Variants in TMTC3 observed in about 807,000 individuals in gnomAD.
The protein encoded by TMTC3 is protein O-mannosyl-transferase TMTC3.
TMTC3 carries 52 observed loss-of-function variants against 92.2 expected under a neutral mutation model. The observed-to-expected ratio is 0.56, with a 90% CI of 0.45 to 0.71. The LOEUF is 0.71. Among genes scored for constraint, TMTC3 ranks in the 30% least tolerant of loss-of-function variants. The pLI is 0.00. For synonymous variants in TMTC3, 339 were observed against 363.3 expected (o/e 0.93, Z 0.76); for missense variants, 896 against 1,057.1 (o/e 0.85, Z 2.11).
Position 88,197,985 on chromosome 12 carries a change from C to G in TMTC3, c.*2336C>G. The stretch of plus-strand genomic sequence containing the variant: ...TTAGTGCAGGAAAATGCTTTTATTT[C>G]TCCCATGTTAACTTTTAAAACTAGT... On this transcript the variant is annotated 3_prime_UTR_variant, in exon 14 of 14. Coordinates refer to ENST00000266712, the MANE Select transcript of TMTC3 (RefSeq NM_181783.4). 1 of 194,546 alleles carries G rather than the reference C, an allele frequency of 5.1e-6. No homozygotes were observed. 12.1% of individuals were successfully genotyped at this position (194,546 alleles called of 1,614,324 possible).
chr12:88,195,726 A>T lies in TMTC3; in HGVS notation c.*77A>T, dbSNP rs1217538170. 2 of 1,304,522 alleles carry T rather than the reference A, an allele frequency of 1.5e-6. No individual in the cohort carries two copies. Among genetic ancestry groups the T allele is most frequent in the Non-Finnish European group, 2.1e-6 (2 of 960,822 alleles). The allele number at this position is 1,304,522 out of a possible 1,614,324, so 80.8% of individuals were successfully genotyped here. On this transcript the variant is annotated 3_prime_UTR_variant, in exon 14 of 14. Transcript: ENST00000266712. ...TGATTGCTTTTACTGGGAGCTTTGA[A>T]AAAAAGTTCAAGGGTTCCTAATGGT...
At chr12:88,159,201 A>C (rs1353163434) in intron 4 of TMTC3, among the ~76,000 whole-genome samples, 1 of 152,176 alleles carries the variant, frequency 6.6e-6, no homozygotes, top group East Asian at 1.9e-4. Flanking sequence ...CAAACTCACA[A>C]GTTCACAATG....
Position 88,197,713 on chromosome 12 carries a change from A to G in TMTC3, c.*2064A>G, listed in dbSNP as rs2138455714. On this transcript the variant is annotated 3_prime_UTR_variant, in exon 14 of 14. Transcript: ENST00000266712. ...TGTGCCTATTACATAAAAAGTGCTC[A>G]TGTATTTGAATTTTAAATAATTTAT... is the stretch of plus-strand genomic sequence containing the variant. The G allele has an allele frequency of 6.6e-6, 1 of 152,170 alleles. No homozygotes were observed. The highest frequency in any genetic ancestry group is 1.5e-5 in the Non-Finnish European group (1 of 67,918). The allele number at this position is 152,170 out of a possible 1,614,324, so 9.4% of individuals were successfully genotyped here. A position where few individuals can be genotyped will look rare whatever the true frequency, so the allele number is the denominator to read the frequency against.
At chr12:88,190,645 T>G (rs1403581307) in intron 12 of TMTC3, 23 bp downstream of exon 12, 8 of 1,608,664 alleles carry the variant, frequency 5.0e-6, no homozygotes, top group Non-Finnish European at 6.8e-6. Context: ...AACTTTAAGC[T>G]ATCATTATGG....
intron 9 of TMTC3, 101 bp from the exon 10 acceptor site, chr12:88,176,107 A>T: frequency 1.3e-6 from 1 of 779,294 alleles, no homozygotes; most frequent in Non-Finnish European, 2.0e-6. Context: ...AGACATTTCC[A>T]TAGAACATTA....
At chr12:88,147,743 T>A (rs1299898535) in intron 1 of TMTC3, among the ~76,000 whole-genome samples, 1 of 151,776 alleles carries the variant, frequency 6.6e-6, no homozygotes, top group Non-Finnish European at 1.5e-5. Flanking sequence ...TTTTGTTTTG[T>A]TTTGTTTCTA....
In TMTC3 at chr12:88,198,847, T is replaced by TA. The variant is rs1449859876; in HGVS notation, c.*3202dup. The TA allele has an allele frequency of 6.5e-6, 1 of 153,352 alleles. No individual in the cohort carries two copies. The highest frequency in any genetic ancestry group is 1.5e-5 in the Non-Finnish European group (1 of 68,852). 9.5% of individuals were successfully genotyped at this position (153,352 alleles called of 1,614,324 possible). A position where few individuals can be genotyped will look rare whatever the true frequency, so the allele number is the denominator to read the frequency against. On this transcript the variant is annotated 3_prime_UTR_variant, in exon 14 of 14. Coordinates refer to ENST00000266712, the MANE Select transcript of TMTC3 (RefSeq NM_181783.4). ...CCTAATTGGATAACTAGATGGTATT[T>TA]AAAATGAATGCCCAAAAATATCTTG...
chr12:88,148,844 C>T (rs1336442803), intron 2 of TMTC3, among the ~76,000 whole-genome samples: 2 of 151,484 alleles, frequency 1.3e-5, no homozygotes, highest in Admixed American at 1.3e-4. Context: ...ACCCAGACAG[C>T]GAGTATAGTA....
Position 88,195,661 on chromosome 12 carries a change from A to G in TMTC3, c.*12A>G, listed in dbSNP as rs2041503985. The G allele has an allele frequency of 6.4e-7, 1 of 1,563,776 alleles. No individual in the cohort carries two copies. Among genetic ancestry groups the G allele is most frequent in the African/African-American group, 1.4e-5 (1 of 72,454 alleles). On this transcript the variant is annotated 3_prime_UTR_variant, in exon 14 of 14. Transcript: ENST00000266712. ...TAAATGGTGAATAACATTAATATTT[A>G]TCGTGACAATGGTATCAAAGAACAT...
chr12:88,174,753 A>T, intron 9 of TMTC3, 26 bp downstream of exon 9: 2 of 1,609,604 alleles, frequency 1.2e-6, no homozygotes, highest in Non-Finnish European at 1.7e-6. Context: ...GAATGACAGG[A>T]AAGTATGTCA....
At chr12:88,165,483 T>C (rs753159078) in intron 6 of TMTC3, among the ~76,000 whole-genome samples, 4 of 152,078 alleles carry the variant, frequency 2.6e-5, no homozygotes, top group Non-Finnish European at 2.9e-5. Flanking sequence ...TCAAATAGTA[T>C]TTATTTTTAT....
chr12:88,197,847 C>T lies in TMTC3; in HGVS notation c.*2198C>T, dbSNP rs2041533028. On this transcript the variant is annotated 3_prime_UTR_variant, in exon 14 of 14. Coordinates refer to ENST00000266712, the MANE Select transcript of TMTC3 (RefSeq NM_181783.4). The stretch of plus-strand genomic sequence containing the variant: ...CATCTGAGGACTTTTAATATGGAAT[C>T]CACCTCATAACAATTAAGTCTAAAT... The T allele has an allele frequency of 6.6e-6, 1 of 152,142 alleles. No individual in the cohort carries two copies. Among genetic ancestry groups the T allele is most frequent in the African/African-American group, 2.4e-5 (1 of 41,422 alleles). 9.4% of individuals were successfully genotyped at this position (152,142 alleles called of 1,614,324 possible).
intron 10 of TMTC3, among the ~76,000 whole-genome samples, chr12:88,186,660 C>T (rs2138432729): frequency 6.6e-6 from 1 of 152,094 alleles, no homozygotes; most frequent in African/African-American, 2.4e-5. Flanking sequence ...TACATCTTGC[C>T]TTCTTTTCTT....
intron 7 of TMTC3, among the ~76,000 whole-genome samples, chr12:88,169,671 G>C (rs890146313): frequency 1.3e-5 from 2 of 152,086 alleles, no homozygotes; most frequent in African/African-American, 4.8e-5. Flanking sequence ...GGGTTCAATC[G>C]CTCATGCCTG....
chr12:88,168,227 A>G (rs1387201672), intron 7 of TMTC3, among the ~76,000 whole-genome samples: 1 of 152,252 alleles, frequency 6.6e-6, no homozygotes, highest in African/African-American at 2.4e-5. Flanking sequence ...AGTGAGATCT[A>G]GAATCTGTTG....
At position 88,187,546 on chromosome 12, in the gene TMTC3, A is replaced by C. The variant is rs559073530; in HGVS notation, c.1433-1297A>C. Among the ~76,000 whole-genome samples, 5 of 152,250 alleles carry C rather than the reference A, an allele frequency of 3.3e-5. No homozygotes were observed. The East Asian group carries it at 9.6e-4, about 29-fold the overall frequency. Reference sequence around the variant, plus strand: ...TTTTTGCTTGACCCCTCCTGGCTCCATGAGACTCAGCAATACATCTAAAAA... The same window carrying C: ...TTTTTGCTTGACCCCTCCTGGCTCCCTGAGACTCAGCAATACATCTAAAAA... On this transcript the variant is annotated intron_variant, in intron 10 of 13. Coordinates refer to ENST00000266712, the MANE Select transcript of TMTC3 (RefSeq NM_181783.4).
At position 88,195,541 on chromosome 12, in the gene TMTC3, C is replaced by T. The variant is rs773125142; in HGVS notation, c.2637C>T (p.Asp879=). ...ACAAACAATTAGGAAAAAATGGAGA[C>T]GAAGAGACACCCCACAAAACAACAA... ...KSNKQLGKNG[D]EETPHKTTKD... The change falls in exon 14 of 14, where the codon GAC becomes GAT. Residue 879 remains aspartate (D), a synonymous_variant. Coordinates refer to ENST00000266712, the MANE Select transcript of TMTC3 (RefSeq NM_181783.4). 24 of 1,612,546 alleles carry T rather than the reference C, an allele frequency of 1.5e-5. No homozygotes were observed. The highest frequency in any genetic ancestry group is 1.0e-4 in the Admixed American group (6 of 59,812).
intron 10 of TMTC3, among the ~76,000 whole-genome samples, chr12:88,178,321 G>A (rs114502390): frequency 1.3e-5 from 2 of 152,100 alleles, no homozygotes; most frequent in Admixed American, 6.6e-5. Flanking sequence ...TGGAATGTGG[G>A]ATTAATGTCC....
At chr12:88,144,226 A>AGGTC (rs1472108346) in intron 1 of TMTC3, among the ~76,000 whole-genome samples, 1 of 152,180 alleles carries the variant, frequency 6.6e-6, no homozygotes, top group African/African-American at 2.4e-5. Context: ...GCAGCCCAGT[A>AGGTC]GGTCTCACCC....
Sources: allele counts gnomAD v4.1 joint callset (sites outside exome capture counted in the v4.1 genomes callset), GRCh38; gene constraint gnomAD v4.1.1; transcripts MANE v1.5; gene names NCBI Gene and HGNC (gene_info 2026-07-23, HGNC 2026-07-21).